Variants in CSF2RB observed in about 807,000 individuals in gnomAD.
CSF2RB encodes colony stimulating factor 2 receptor subunit beta, also known as cytokine receptor common subunit beta.
A neutral mutation model predicts 67.2 loss-of-function variants in CSF2RB; 22 were observed. The ratio of observed to expected loss-of-function variants is 0.33; its 90% CI spans 0.23 to 0.47. The LOEUF (loss-of-function observed/expected upper bound fraction) is 0.47. Ranked by LOEUF, CSF2RB falls within the 20% of genes least tolerant of loss-of-function variation. CSF2RB has a pLI of 1.00. For synonymous variants in CSF2RB, 507 were observed against 482.9 expected, an observed-to-expected ratio of 1.05 and a Z score of -0.65; for missense variants, 1,113 against 1,174.5, an observed-to-expected ratio of 0.95 and a Z score of 0.76.
chr22:36,919,691 G>A (rs9607394), intron 1 of CSF2RB, among the ~76,000 whole-genome samples: 116,638 of 151,796 alleles, frequency 0.77, 45,308 homozygotes, highest in East Asian at 0.94. Context: ...GATTACAGGC[G>A]TGAGCCACCG....
Position 36,930,409 on chromosome 22 carries a change from C to T in CSF2RB, c.753C>T (p.Phe251=). 1.9e-6 allele frequency: 3 copies of T among 1,613,660 alleles called. No individual in the cohort carries two copies. Among genetic ancestry groups the T allele is most frequent in the Non-Finnish European group, 2.5e-6 (3 of 1,180,036 alleles). Residue 251 remains phenylalanine, a synonymous_variant, in exon 7 of 14, where the codon TTC becomes TTT. Transcript: ENST00000403662. Reference sequence around the variant, plus strand: ...CCCAGCCCCAGAACCTGGAGTGCTTCTTTGACGGGGCCGCCGTGCTCAGCT... The same window carrying T: ...CCCAGCCCCAGAACCTGGAGTGCTTTTTTGACGGGGCCGCCGTGCTCAGCT... ...DEAQPQNLEC[F]FDGAAVLSCS... is the part of the protein sequence containing the mutation.
chr22:36,938,123 T>C lies in CSF2RB; in HGVS notation c.2315T>C (p.Ile772Thr), dbSNP rs752737473. The change falls in exon 14 of 14, where the codon ATT (isoleucine) becomes ACT (threonine). Residue 772 changes from isoleucine (I) to threonine (T), a missense_variant. By Grantham distance (89) the Ile-to-Thr change is moderately conservative. Around this residue, in one of 2 missense-constraint regions of CSF2RB, gnomAD observed 554 missense variants for 517.9 expected, o/e 1.07. Transcript: ENST00000403662. The stretch of plus-strand genomic sequence containing the variant: ...GAGGGCTATGTGGAGCTCCCTCCAA[T>C]TGAGGGCCGGTCCCCCAGGTCACCA... ...GFEGYVELPP[I>T]EGRSPRSPRN... 4.3e-5 allele frequency: 70 copies of C among 1,613,920 alleles called. No individual in the cohort carries two copies. Among genetic ancestry groups the C allele is most frequent in the Non-Finnish European group, 5.1e-5 (60 of 1,179,982 alleles).
At chr22:36,918,682 G>T (rs1940779294) in intron 1 of CSF2RB, among the ~76,000 whole-genome samples, 1 of 152,174 alleles carries the variant, frequency 6.6e-6, no homozygotes, top group Non-Finnish European at 1.5e-5. Context: ...TTCCCCATTT[G>T]CTGTTGTATC....
chr22:36,925,722 C>T (rs1940999379), intron 3 of CSF2RB, among the ~76,000 whole-genome samples: 1 of 152,178 alleles, frequency 6.6e-6, no homozygotes, highest in South Asian at 2.1e-4. Context: ...AAATTGCCTC[C>T]CTGGCCCAGC....
In CSF2RB at chr22:36,929,571, G is replaced by T. The variant is rs529939805; in HGVS notation, c.549+12G>T. On this transcript the variant is annotated intron_variant, in intron 5 of 13. Coordinates refer to ENST00000403662, the MANE Select transcript of CSF2RB (RefSeq NM_000395.3). Reference sequence around the variant, plus strand: ...AGGACTCTTGGGAGGTAGGAACCACGGCCAGCTCTGCCCCAGCCCGAAGGG... The same window carrying T: ...AGGACTCTTGGGAGGTAGGAACCACTGCCAGCTCTGCCCCAGCCCGAAGGG... 3 of 1,613,994 alleles carry T rather than the reference G, an allele frequency of 1.9e-6. No homozygotes were observed. The highest frequency in any genetic ancestry group is 2.5e-6 in the Non-Finnish European group (3 of 1,180,008).
In CSF2RB at chr22:36,937,860, A is replaced by C. The variant is rs1383056824; in HGVS notation, c.2052A>C (p.Gly684=). Residue 684 remains glycine (G), a synonymous_variant, in exon 14 of 14, where the codon GGA becomes GGC. Transcript: ENST00000403662. The surrounding 1 kb of genome is among the most constrained non-coding windows in gnomAD (Gnocchi z 4.6). The part of the protein sequence containing the change: ...PAPPALGPRV[G]GQDQKDSPVA... ...CTCCTGCTCTTGGGCCAAGGGTGGG[A>C]GGACAGGACCAAAAGGACAGCCCTG... The C allele has an allele frequency of 1.9e-6, 3 of 1,613,882 alleles. No homozygotes were observed. Among genetic ancestry groups the C allele is most frequent in the Non-Finnish European group, 2.5e-6 (3 of 1,179,896 alleles).
chr22:36,930,527 T>C lies in CSF2RB; in HGVS notation c.854+17T>C. The C allele has an allele frequency of 6.2e-7, 1 of 1,612,748 alleles. No homozygotes were observed. The highest frequency in any genetic ancestry group is 1.3e-5 in the African/African-American group (1 of 74,954). On this transcript the variant is annotated intron_variant, in intron 7 of 13. Coordinates refer to ENST00000403662, the MANE Select transcript of CSF2RB (RefSeq NM_000395.3). ...AGATGCAGGGTGAGCATCTTTTTTC[T>C]CCATCCCCTCCCCTCCTCTTGGCCT...
rs541323144 is a variant in CSF2RB, at chr22:36,933,748, C to T, written c.1153-84C>T. 7.2e-5 allele frequency: 109 copies of T among 1,517,696 alleles called. No individual in the cohort carries two copies. The South Asian group carries it at 1.1e-3, about 15-fold the overall frequency. The allele number at this position is 1,517,696 out of a possible 1,614,324, so 94.0% of individuals were successfully genotyped here. A position where few individuals can be genotyped will look rare whatever the true frequency, so the allele number is the denominator to read the frequency against. ...GGGTATGGCAGGAGCTAGGAGCCAGCGAAGCCGAGGGTCCAGGTGGGAGGG... is the reference window on the plus strand; with the variant it reads ...GGGTATGGCAGGAGCTAGGAGCCAGTGAAGCCGAGGGTCCAGGTGGGAGGG... On this transcript the variant is annotated intron_variant, in intron 9 of 13. Transcript: ENST00000403662.
intron 5 of CSF2RB, 29 bp downstream of exon 5, chr22:36,929,588 C>T (rs1198984882): frequency 3.7e-6 from 6 of 1,614,056 alleles, no homozygotes; most frequent in Non-Finnish European, 5.1e-6. Flanking sequence ...TCTGCCCCAG[C>T]CCGAAGGGAT....
In CSF2RB at chr22:36,937,934, C is replaced by G; in HGVS notation, c.2126C>G (p.Ser709Cys). The change falls in exon 14 of 14, where the codon TCT (serine) becomes TGT (cysteine). Residue 709 changes from serine (S) to cysteine (C), a missense_variant. This residue lies in a region of CSF2RB where 554 missense variants were observed against 517.9 expected (regional missense o/e 1.07). Coordinates refer to ENST00000403662, the MANE Select transcript of CSF2RB (RefSeq NM_000395.3). The surrounding 1 kb of genome is among the most constrained non-coding windows in gnomAD (Gnocchi z 4.6). ...GACACTGAGGACCCTGGAGTGGCCT[C>G]TGGTTATGTCTCCTCTGCAGACCTG... ...SGDTEDPGVASGYVSSADLVF... is the reference protein window; with the variant it reads ...SGDTEDPGVACGYVSSADLVF... The G allele has an allele frequency of 6.2e-7, 1 of 1,614,130 alleles. No individual in the cohort carries two copies. Among genetic ancestry groups the G allele is most frequent in the Non-Finnish European group, 8.5e-7 (1 of 1,180,004 alleles).
chr22:36,933,900 G>A lies in CSF2RB; in HGVS notation c.1221G>A (p.Arg407=), dbSNP rs757963852. 8.8e-5 allele frequency: 142 copies of A among 1,611,886 alleles called. No individual in the cohort carries two copies. The highest frequency in any genetic ancestry group is 1.1e-4 in the Non-Finnish European group (134 of 1,180,004). Residue 407 remains arginine (R), a synonymous_variant, in exon 10 of 14, where the codon AGG becomes AGA. Coordinates refer to ENST00000403662, the MANE Select transcript of CSF2RB (RefSeq NM_000395.3). ...MALPALEPST[R]YWARVRVRTS... ...TGCCAGCCCTGGAGCCCTCCACCAGGTACTGGGCCAGGGTGAGGGTCAGGA... is the reference window on the plus strand; with the variant it reads ...TGCCAGCCCTGGAGCCCTCCACCAGATACTGGGCCAGGGTGAGGGTCAGGA...
In CSF2RB at chr22:36,922,536, C is replaced by T. The variant is rs187683664; in HGVS notation, c.76+253C>T. The T allele has an allele frequency of 3.4e-3, 1,974 of 584,392 alleles. 8 individuals are homozygous for T. The highest frequency in any genetic ancestry group is 4.1e-3 in the Non-Finnish European group (1,326 of 325,214). 36.2% of individuals were successfully genotyped at this position (584,392 alleles called of 1,614,324 possible). On this transcript the variant is annotated intron_variant, in intron 2 of 13. Coordinates refer to ENST00000403662, the MANE Select transcript of CSF2RB (RefSeq NM_000395.3). ...ACATTTCTCAGGGCGGCACTCCCGG[C>T]CCCTAGGCTCCAGGATGGCTGCTCT... is the stretch of plus-strand genomic sequence containing the variant.
chr22:36,932,749 G>T lies in CSF2RB; in HGVS notation c.1013-16G>T, dbSNP rs1245601083. On this transcript the variant is annotated splice_polypyrimidine_tract_variant and intron_variant, in intron 8 of 13. Coordinates refer to ENST00000403662, the MANE Select transcript of CSF2RB (RefSeq NM_000395.3). ...GGTGGGTATGATGACTCTCCTGAAAGCTTCCCTCCCTCCAGTCCAGATGGC... is the reference window on the plus strand; with the variant it reads ...GGTGGGTATGATGACTCTCCTGAAATCTTCCCTCCCTCCAGTCCAGATGGC... The T allele has an allele frequency of 6.2e-7, 1 of 1,612,198 alleles. No homozygotes were observed. Among genetic ancestry groups the T allele is most frequent in the African/African-American group, 1.3e-5 (1 of 74,914 alleles).
At chr22:36,923,200 C>T in intron 2 of CSF2RB, 44 bp from the exon 3 acceptor site, 1 of 1,613,918 alleles carries the variant, frequency 6.2e-7, no homozygotes, top group South Asian at 1.1e-5. Context: ...TGACAAGGGT[C>T]CCTGCAGGAA....
At chr22:36,932,298 G>C (rs1228271366) in intron 8 of CSF2RB, among the ~76,000 whole-genome samples, 1 of 152,080 alleles carries the variant, frequency 6.6e-6, no homozygotes, top group African/African-American at 2.4e-5. Flanking sequence ...AGCTGGGCTT[G>C]GTGGCGGGTG....
chr22:36,921,932 C>A (rs905318371), intron 1 of CSF2RB, 104 bp from the exon 2 acceptor site: 6 of 566,986 alleles, frequency 1.1e-5, no homozygotes, highest in Non-Finnish European at 1.9e-5. Flanking sequence ...ACTGAGAGGT[C>A]ATGCATGAGG....
intron 1 of CSF2RB, among the ~76,000 whole-genome samples, chr22:36,914,216 G>A (rs1940661771): frequency 6.6e-6 from 1 of 152,130 alleles, no homozygotes; most frequent in Non-Finnish European, 1.5e-5. Context: ...GTATGTGCAT[G>A]TGCGGATGTC....
chr22:36,926,861 C>T (rs1271097158), intron 4 of CSF2RB, among the ~76,000 whole-genome samples: 3 of 152,192 alleles, frequency 2.0e-5, no homozygotes, highest in Non-Finnish European at 4.4e-5. Context: ...AAAAGGGACA[C>T]GTTTTATGAA....
At chr22:36,921,801 G>T (rs1476117600) in intron 1 of CSF2RB, among the ~76,000 whole-genome samples, 2 of 152,134 alleles carry the variant, frequency 1.3e-5, no homozygotes, top group Non-Finnish European at 2.9e-5. Context: ...CAAATCCTAG[G>T]CCCCTGTCTC....
Sources: gnomAD v4.1 joint callset for allele counts (sites outside exome capture counted in the v4.1 genomes callset) on GRCh38, gnomAD v4.1.1 for gene constraint, gnomAD v4.1.1 regional missense constraint, Gnocchi (gnomAD v3.1) non-coding constraint, MANE v1.5 for transcripts, NCBI Gene and HGNC (gene_info 2026-07-23, HGNC 2026-07-21) for gene names.